Variants in PPARD observed in about 807,000 individuals in gnomAD.
PPARD encodes peroxisome proliferator activated receptor delta, also known as peroxisome proliferator-activated receptor delta.
PPARD carries 6 observed loss-of-function variants against 39.5 expected under a neutral mutation model. The observed-to-expected ratio is 0.15, with a 90% confidence interval of 0.08 to 0.30. The LOEUF (loss-of-function observed/expected upper bound fraction) is 0.30, where lower values mean the gene tolerates loss of function less well. Among genes scored for constraint, PPARD ranks in the 10% least tolerant of loss-of-function variants. PPARD has a pLI of 1.00. For synonymous variants in PPARD, 210 were observed against 231.3 expected (o/e 0.91, Z 0.83); for missense variants, 397 against 596.8 (o/e 0.67, Z 3.49).
chr6:35,356,197 G>T (rs1435664600), intron 2 of PPARD, among the ~76,000 whole-genome samples: 1 of 152,114 alleles, frequency 6.6e-6, no homozygotes, highest in Non-Finnish European at 1.5e-5. Context: ...TCTAACAGCT[G>T]ATTTTCATTG....
intron 2 of PPARD, among the ~76,000 whole-genome samples, chr6:35,358,643 G>A (rs781137515): frequency 1.3e-5 from 2 of 152,144 alleles, no homozygotes; most frequent in Non-Finnish European, 2.9e-5. Flanking sequence ...GGAGTTCTTG[G>A]AAGCAAGAGA....
intron 2 of PPARD, among the ~76,000 whole-genome samples, chr6:35,407,273 C>T (rs1765114413): frequency 6.6e-6 from 1 of 152,198 alleles, no homozygotes; most frequent in African/African-American, 2.4e-5. Flanking sequence ...GTGCATTGCC[C>T]CGTGTCCACT....
At chr6:35,359,632 A>T (rs1761821018) in intron 2 of PPARD, among the ~76,000 whole-genome samples, 1 of 151,920 alleles carries the variant, frequency 6.6e-6, no homozygotes, top group Non-Finnish European at 1.5e-5. Flanking sequence ...TGGGACTCCC[A>T]CAGCTGACTT....
At position 35,424,152 on chromosome 6, in the gene PPARD, AGT is replaced by A. The variant is rs1463646247; in HGVS notation, c.627+7_627+8del. 2 of 1,611,956 alleles carry A rather than the reference AGT, an allele frequency of 1.2e-6. No individual in the cohort carries two copies. The highest frequency in any genetic ancestry group is 1.7e-5 in the Admixed American group (1 of 59,992). ...CGGCAAAGCCAGCCACACGGCGGTGAGTGTTGCTGCTGCTTGGCCTGGCAGCA... is the reference window on the plus strand; with the variant it reads ...CGGCAAAGCCAGCCACACGGCGGTGAGTTGCTGCTGCTTGGCCTGGCAGCA... On this transcript the variant is annotated splice_donor_5th_base_variant and intron_variant, in intron 6 of 7. Coordinates refer to ENST00000360694, the MANE Select transcript of PPARD (RefSeq NM_006238.5). The surrounding 1 kb of genome is among the most constrained non-coding windows in gnomAD (Gnocchi z 7.1).
chr6:35,425,854 T>A lies in PPARD; in HGVS notation c.1101T>A (p.Val367=). The part of the protein sequence containing the change: ...LCGDRPGLMN[V]PRVEAIQDTI... ...CAGACCGGCCAGGCCTCATGAACGT[T>A]CCACGGGTGGAGGCTATCCAGGACA... The change falls in exon 8 of 8, where the codon GTT becomes GTA. Residue 367 remains valine, a synonymous_variant. Coordinates refer to ENST00000360694, the MANE Select transcript of PPARD (RefSeq NM_006238.5). This position sits in a 1 kb window ranked among gnomAD's most constrained non-coding sequence, Gnocchi z 4.5. 1 of 1,614,012 alleles carries A rather than the reference T, an allele frequency of 6.2e-7. No individual in the cohort carries two copies. The highest frequency in any genetic ancestry group is 8.5e-7 in the Non-Finnish European group (1 of 1,180,002).
intron 2 of PPARD, among the ~76,000 whole-genome samples, chr6:35,404,992 T>TGTGTGTGTGTGTGTGTAC (rs1764940537): frequency 1.3e-5 from 2 of 150,872 alleles, no homozygotes; most frequent in African/African-American, 4.9e-5. Context: ...TGTGTGTGTG[T>TGTGTGTGTGTGTGTGTAC]GTGTGTGTAC....
At chr6:35,405,577 A>G (rs2150750568) in intron 2 of PPARD, among the ~76,000 whole-genome samples, 1 of 151,996 alleles carries the variant, frequency 6.6e-6, no homozygotes, top group Non-Finnish European at 1.5e-5. Flanking sequence ...AAAAAAAAAA[A>G]AGCCAGGGTT....
At chr6:35,404,657 G>A (rs1377934928) in intron 2 of PPARD, among the ~76,000 whole-genome samples, 2 of 152,224 alleles carry the variant, frequency 1.3e-5, no homozygotes, top group African/African-American at 4.8e-5. Flanking sequence ...TGCCCTGAAA[G>A]TGAGCCCCTC....
intron 2 of PPARD, among the ~76,000 whole-genome samples, chr6:35,391,933 C>A (rs2299866): frequency 6.6e-6 from 1 of 152,042 alleles, no homozygotes; most frequent in Non-Finnish European, 1.5e-5. Context: ...TTATGCCAAG[C>A]TGCCTCCTTT....
intron 2 of PPARD, among the ~76,000 whole-genome samples, chr6:35,387,933 G>C (rs1395923422): frequency 6.6e-6 from 1 of 151,372 alleles, no homozygotes; most frequent in East Asian, 1.9e-4. Flanking sequence ...TGTTGGCCAG[G>C]CTGGTTTCAA....
chr6:35,408,921 A>G (rs1765240516), intron 2 of PPARD, among the ~76,000 whole-genome samples: 1 of 152,070 alleles, frequency 6.6e-6, no homozygotes, highest in African/African-American at 2.4e-5. Flanking sequence ...TTCAGACCTT[A>G]CCAGTTTTTC....
intron 2 of PPARD, among the ~76,000 whole-genome samples, chr6:35,374,086 A>G (rs1348970493): frequency 1.3e-5 from 2 of 152,000 alleles, no homozygotes; most frequent in African/African-American, 4.8e-5. Context: ...CTGGCTCCTG[A>G]CCTCTGCTGC....
chr6:35,378,418 C>T (rs550128673), intron 2 of PPARD, among the ~76,000 whole-genome samples: 2 of 152,228 alleles, frequency 1.3e-5, no homozygotes, highest in South Asian at 4.1e-4. Flanking sequence ...ATCAGTATGG[C>T]TGGGACACAA....
At position 35,363,891 on chromosome 6, in the gene PPARD, T is replaced by G. The variant is rs187332406; in HGVS notation, c.-102+16741T>G. On this transcript the variant is annotated intron_variant, in intron 2 of 7. Transcript: ENST00000360694. This position sits in a 1 kb window ranked among gnomAD's most constrained non-coding sequence, Gnocchi z 4.5. ...CACTTTAAAGTGTGTACTTTGATGG[T>G]TTTTGTATATTAACTGTGTTTTATA... is the stretch of plus-strand genomic sequence containing the variant. Among the ~76,000 whole-genome samples the G allele has an allele frequency of 6.6e-5, 10 of 151,140 alleles. No individual in the cohort carries two copies. The East Asian group carries it at 1.9e-3, about 29-fold the overall frequency.
intron 2 of PPARD, among the ~76,000 whole-genome samples, chr6:35,357,034 C>T (rs531373543): frequency 6.6e-6 from 1 of 152,330 alleles, no homozygotes. Context: ...TTCCCTGGAG[C>T]AGTTATGTTT....
At chr6:35,345,917 C>T (rs896321719) in intron 1 of PPARD, among the ~76,000 whole-genome samples, 2 of 145,686 alleles carry the variant, frequency 1.4e-5, no homozygotes, top group South Asian at 2.2e-4. Flanking sequence ...CGCTCTGTCG[C>T]CCAGGCTGGA....
intron 2 of PPARD, among the ~76,000 whole-genome samples, chr6:35,361,243 T>A (rs1260582704): frequency 1.3e-5 from 2 of 152,164 alleles, no homozygotes; most frequent in Non-Finnish European, 2.9e-5. Context: ...CTCATACATG[T>A]AAAGGCACAG....
intron 2 of PPARD, among the ~76,000 whole-genome samples, chr6:35,392,934 G>A (rs370157151): frequency 1.3e-5 from 2 of 152,294 alleles, no homozygotes; most frequent in African/African-American, 2.4e-5. Context: ...GGAAAAACTG[G>A]CTCCGGCTGA....
At chr6:35,380,553 A>G (rs1057079818) in intron 2 of PPARD, among the ~76,000 whole-genome samples, 1 of 136,722 alleles carries the variant, frequency 7.3e-6, no homozygotes, top group Non-Finnish European at 1.5e-5. Flanking sequence ...CAGTAGCACA[A>G]TCTCGGCTCA....
Sources: allele counts gnomAD v4.1 joint callset (sites outside exome capture counted in the v4.1 genomes callset), GRCh38; gene constraint gnomAD v4.1.1; non-coding constraint Gnocchi (gnomAD v3.1); transcripts MANE v1.5; gene names NCBI Gene and HGNC (gene_info 2026-07-23, HGNC 2026-07-21).